FHIT: variants seen among roughly 807,000 people sequenced by gnomAD.
The protein encoded by FHIT is bis(5'-adenosyl)-triphosphatase.
A neutral mutation model predicts 17.9 loss-of-function variants in FHIT; 19 were observed. The ratio of observed to expected loss-of-function variants is 1.06; its 90% confidence interval spans 0.74 to 1.56. The LOEUF (loss-of-function observed/expected upper bound fraction) is 1.56. Among genes scored for constraint, FHIT ranks in the 40% most tolerant of loss-of-function variants. FHIT has a pLI of 0.00. For missense variants in FHIT, 248 were observed against 189.2 expected (o/e 1.31, Z -1.82); for synonymous variants, 81 against 69.7 (o/e 1.16, Z -0.81).
intron 4 of FHIT, among the ~76,000 whole-genome samples, chr3:60,702,714 T>C (rs1379517682): frequency 1.3e-5 from 2 of 152,154 alleles, no homozygotes; most frequent in African/African-American, 4.8e-5. Context: ...AATTTTTTTG[T>C]TTGATTACAA....
intron 7 of FHIT, among the ~76,000 whole-genome samples, chr3:59,931,442 G>C (rs1705967419): frequency 6.6e-6 from 1 of 152,134 alleles, no homozygotes; most frequent in Non-Finnish European, 1.5e-5. Flanking sequence ...AGGACTTTGA[G>C]GATACCTCAG....
intron 5 of FHIT, among the ~76,000 whole-genome samples, chr3:60,518,478 A>G (rs2035239482): frequency 6.6e-6 from 1 of 152,228 alleles, no homozygotes; most frequent in African/African-American, 2.4e-5. Flanking sequence ...TAATTCTTGA[A>G]GTTTATGAGA....
At chr3:59,921,882 T>C (rs1340365750) in intron 8 of FHIT, among the ~76,000 whole-genome samples, 1 of 152,228 alleles carries the variant, frequency 6.6e-6, no homozygotes, top group African/African-American at 2.4e-5. Flanking sequence ...ACCAACCTAG[T>C]TTTTGCTCAT....
chr3:60,312,255 C>A (rs1253075230), intron 5 of FHIT, among the ~76,000 whole-genome samples: 6 of 152,076 alleles, frequency 3.9e-5, no homozygotes, highest in African/African-American at 1.4e-4. Flanking sequence ...CCTGCCTTAG[C>A]CTCCTGAGTA....
At chr3:60,955,068 A>G (rs138481344) in intron 3 of FHIT, among the ~76,000 whole-genome samples, 1 of 152,222 alleles carries the variant, frequency 6.6e-6, no homozygotes, top group Non-Finnish European at 1.5e-5. Flanking sequence ...TTAAAGTCAC[A>G]TCTCTGAATC....
intron 8 of FHIT, among the ~76,000 whole-genome samples, chr3:59,847,192 C>T (rs1415291083): frequency 6.6e-6 from 1 of 152,118 alleles, no homozygotes; most frequent in Non-Finnish European, 1.5e-5. Context: ...TCCCTCTTTT[C>T]CTTCTGGGGC....
chr3:60,952,497 G>A (rs1553777514), intron 3 of FHIT, among the ~76,000 whole-genome samples: 1 of 152,200 alleles, frequency 6.6e-6, no homozygotes, highest in Non-Finnish European at 1.5e-5. Context: ...TCCAGGAGAA[G>A]GGCAGCCACA....
At chr3:60,012,574 T>A (rs1246485793) in intron 6 of FHIT, among the ~76,000 whole-genome samples, 1 of 152,064 alleles carries the variant, frequency 6.6e-6, no homozygotes, top group African/African-American at 2.4e-5. Flanking sequence ...CAGCCAGAAA[T>A]CAGATCTTAA....
chr3:59,768,349 C>T (rs1011734950), intron 8 of FHIT, among the ~76,000 whole-genome samples: 1 of 152,202 alleles, frequency 6.6e-6, no homozygotes, highest in African/African-American at 2.4e-5. Context: ...TCTCTCAACC[C>T]TTTGTCCTGT....
intron 4 of FHIT, among the ~76,000 whole-genome samples, chr3:60,601,475 C>G (rs2038444351): frequency 6.6e-6 from 1 of 152,118 alleles, no homozygotes; most frequent in African/African-American, 2.4e-5. Context: ...AGCTAGCCCT[C>G]AAACCATAGC....
chr3:59,783,034 G>A (rs978272076), intron 8 of FHIT, among the ~76,000 whole-genome samples: 1 of 152,064 alleles, frequency 6.6e-6, no homozygotes, highest in Non-Finnish European at 1.5e-5. Context: ...TAGGTGTCTG[G>A]GGAGTAGGGG....
chr3:60,511,230 G>T (rs550301208), intron 5 of FHIT, among the ~76,000 whole-genome samples: 2 of 152,086 alleles, frequency 1.3e-5, no homozygotes, highest in Non-Finnish European at 2.9e-5. Context: ...AATATGTATC[G>T]TACTGAGAAT....
At chr3:60,709,131 A>G (rs1178880145) in intron 4 of FHIT, among the ~76,000 whole-genome samples, 1 of 152,208 alleles carries the variant, frequency 6.6e-6, no homozygotes, top group East Asian at 1.9e-4. Flanking sequence ...ATATCTATGG[A>G]TATTTACCAT....
At chr3:60,235,130 A>C (rs868639177) in intron 5 of FHIT, among the ~76,000 whole-genome samples, 4 of 152,098 alleles carry the variant, frequency 2.6e-5, no homozygotes, top group Non-Finnish European at 5.9e-5. Context: ...TCCTCTCCCC[A>C]AAAACAACTA....
intron 5 of FHIT, among the ~76,000 whole-genome samples, chr3:60,097,894 G>A (rs1388691774): frequency 7.7e-6 from 1 of 130,542 alleles, no homozygotes; most frequent in Admixed American, 8.7e-5. Context: ...GCCCCGGTGT[G>A]TGATGTTCCC....
intron 5 of FHIT, among the ~76,000 whole-genome samples, chr3:60,103,795 C>T (rs1704291921): frequency 6.6e-6 from 1 of 152,210 alleles, no homozygotes; most frequent in Non-Finnish European, 1.5e-5. Flanking sequence ...TCTGGGATGG[C>T]ATGTCCTTCA....
intron 5 of FHIT, among the ~76,000 whole-genome samples, chr3:60,515,718 T>A (rs111276859): frequency 6.6e-6 from 1 of 152,222 alleles, no homozygotes. Flanking sequence ...ATGCTTCATA[T>A]GGACGAGAGA....
chr3:60,903,976 C>T (rs557596806), intron 3 of FHIT, among the ~76,000 whole-genome samples: 1 of 152,296 alleles, frequency 6.6e-6, no homozygotes, highest in African/African-American at 2.4e-5. Context: ...AAAGCTGAGC[C>T]TTCCCTCCCA....
intron 5 of FHIT, among the ~76,000 whole-genome samples, chr3:60,027,873 C>T (rs1054301564): frequency 6.6e-6 from 1 of 152,034 alleles, no homozygotes; most frequent in African/African-American, 2.4e-5. Flanking sequence ...CTATACTGTT[C>T]AATATAGTAG....
Sources: gnomAD v4.1 joint callset for allele counts (sites outside exome capture counted in the v4.1 genomes callset) on GRCh38, gnomAD v4.1.1 for gene constraint, MANE v1.5 for transcripts, NCBI Gene and HGNC (gene_info 2026-07-23, HGNC 2026-07-21) for gene names.